Variants in NEBL observed in about 807,000 individuals in gnomAD.
NEBL encodes the protein LIM and SH3 protein 2.
NEBL carries 122 observed loss-of-function variants against 140.2 expected under a neutral mutation model. The ratio of observed to expected loss-of-function variants is 0.87; its 90% confidence interval spans 0.75 to 1.01. NEBL has a LOEUF of 1.01. NEBL is among the 50% of genes least tolerant of loss of function. The pLI is 0.00. For synonymous variants in NEBL, 436 were observed against 398.9 expected (o/e 1.09, Z -1.11); for missense variants, 1,365 against 1,231.3 (o/e 1.11, Z -1.62).
intron 26 of NEBL, among the ~76,000 whole-genome samples, chr10:20,792,945 A>G (rs755553439): frequency 3.3e-5 from 5 of 152,192 alleles, no homozygotes; most frequent in Non-Finnish European, 7.3e-5. Context: ...CAAAGCCTCA[A>G]GTCCTATTCA....
rs143645819 is a variant in NEBL at position 21,013,078 on chromosome 10, T to G, written c.249+7039A>C. 4.5e-4 allele frequency among the ~76,000 whole-genome samples: 68 copies of G among 151,304 alleles called. 1 individual carries two copies. The East Asian group carries it at 0.012, about 28-fold the overall frequency. The stretch of plus-strand genomic sequence containing the variant: ...TACATCATTTTATCCAGGGGTACAA[T>G]GGGGGCGTGGGGGCAGGGTGGGGAT... On this transcript the variant is annotated intron_variant, in intron 3 of 6. Coordinates refer to the NEBL transcript ENST00000417816.
intron 2 of NEBL, among the ~76,000 whole-genome samples, chr10:21,040,858 T>A (rs1005019693): frequency 6.6e-6 from 1 of 152,130 alleles, no homozygotes; most frequent in African/African-American, 2.4e-5. Context: ...GTGTAGCACC[T>A]TCCCCTTAGC....
chr10:20,974,705 C>T (rs142734400), intron 3 of NEBL, among the ~76,000 whole-genome samples: 2,086 of 152,258 alleles, frequency 0.014, 23 homozygotes, highest in Admixed American at 0.016. Flanking sequence ...CAATTAGATG[C>T]TCAGTAGGTG....
intron 3 of NEBL, among the ~76,000 whole-genome samples, chr10:21,231,487 C>A (rs1037481617): frequency 6.6e-6 from 1 of 151,644 alleles, no homozygotes; most frequent in East Asian, 1.9e-4. Flanking sequence ...TGCAATGAGC[C>A]GAGATGGCGC....
intron 3 of NEBL, among the ~76,000 whole-genome samples, chr10:21,012,813 C>T (rs1364055364): frequency 6.6e-6 from 1 of 152,130 alleles, no homozygotes. Flanking sequence ...ACAGCACTCA[C>T]ACCTCCCTCC....
chr10:21,137,988 C>T (rs998125930), intron 2 of NEBL, among the ~76,000 whole-genome samples: 1 of 150,348 alleles, frequency 6.7e-6, no homozygotes, highest in Non-Finnish European at 1.5e-5. Flanking sequence ...AAGGAAGGAA[C>T]TGGAAGTGGA....
upstream of NEBL, chr10:20,897,346 A>C (rs1039038479): frequency 1.6e-4 from 237 of 1,468,286 alleles, no homozygotes; most frequent in Non-Finnish European, 2.1e-4. Context: ...TTTAGCCCAC[A>C]CTTCACTCCT....
intron 4 of NEBL, among the ~76,000 whole-genome samples, chr10:20,956,250 G>A (rs1026444117): frequency 4.6e-5 from 7 of 152,306 alleles, no homozygotes; most frequent in South Asian, 2.1e-4. Flanking sequence ...TACTTTTCCC[G>A]AGGAGCGGTT....
chr10:20,923,324 T>C (rs949495786), intron 4 of NEBL, among the ~76,000 whole-genome samples: 6 of 152,018 alleles, frequency 3.9e-5, no homozygotes, highest in Non-Finnish European at 8.8e-5. Context: ...TGCCTCAGCC[T>C]CCCAAGTACT....
intron 3 of NEBL, among the ~76,000 whole-genome samples, chr10:21,227,713 T>TTCTTCTTCTTCTTCTTCTTCTTC (rs1842180073): frequency 3.1e-5 from 2 of 63,680 alleles, no homozygotes; most frequent in African/African-American, 1.2e-4. Flanking sequence ...TCTTCTTCTT[T>TTCTTCTTCTTCTTCTTCTTCTTC]CTTCTTCTTC....
intron 3 of NEBL, among the ~76,000 whole-genome samples, chr10:20,968,266 A>G (rs1390871785): frequency 6.6e-6 from 1 of 152,016 alleles, no homozygotes; most frequent in Non-Finnish European, 1.5e-5. Context: ...GGACTTTGGG[A>G]GGCTGAGGCA....
At chr10:21,245,888 G>A (rs896014506) in intron 3 of NEBL, among the ~76,000 whole-genome samples, 1 of 152,152 alleles carries the variant, frequency 6.6e-6, no homozygotes, top group Non-Finnish European at 1.5e-5. Context: ...GTAGAGATGG[G>A]GTTTCACTGT....
At position 21,272,118 on chromosome 10, in the gene NEBL, A is replaced by ATTTTTTTTTTTT. The variant is rs10678454; in HGVS notation, n.183-20302_183-20291dup. On this transcript the variant is annotated intron_variant and non_coding_transcript_variant, in intron 1 of 8. Transcript: ENST00000675702. ...AGGCACCCGCCACCACACTTGGTTA[A>ATTTTTTTTTTTT]TTTTTTTTTTTTTTTTTTTTTTTTT... 1.6e-4 allele frequency among the ~76,000 whole-genome samples: 13 copies of ATTTTTTTTTTTT among 79,096 alleles called. 1 individual carries two copies. The highest frequency in any genetic ancestry group is 6.8e-4 in the African/African-American group (12 of 17,678). The allele number at this position is 79,096 out of a possible 152,430, so 51.9% of individuals were successfully genotyped here.
At chr10:20,839,755 G>A (rs1841235638) in intron 13 of NEBL, among the ~76,000 whole-genome samples, 9 of 152,132 alleles carry the variant, frequency 5.9e-5, no homozygotes, top group Admixed American at 5.9e-4. Context: ...TATGCCAGGT[G>A]TAAGCACAGG....
chr10:20,903,149 T>C (rs1847942202), intron 4 of NEBL, among the ~76,000 whole-genome samples: 1 of 152,194 alleles, frequency 6.6e-6, no homozygotes, highest in South Asian at 2.1e-4. Flanking sequence ...ATACATATTA[T>C]GTTTTTCCTA....
chr10:21,106,269 T>C (rs185795869), intron 2 of NEBL, among the ~76,000 whole-genome samples: 2 of 152,394 alleles, frequency 1.3e-5, no homozygotes, highest in African/African-American at 2.4e-5. Context: ...CCCATGCCTA[T>C]GTCCTGAATG....
At chr10:21,145,367 T>C (rs1839844379) in intron 2 of NEBL, among the ~76,000 whole-genome samples, 1 of 152,204 alleles carries the variant, frequency 6.6e-6, no homozygotes, top group African/African-American at 2.4e-5. Context: ...TGTCCATTAA[T>C]TGGGGAATGG....
At chr10:21,107,793 G>A (rs1319727702) in intron 2 of NEBL, among the ~76,000 whole-genome samples, 1 of 152,104 alleles carries the variant, frequency 6.6e-6, no homozygotes, top group Non-Finnish European at 1.5e-5. Flanking sequence ...GAATCCATCT[G>A]GTCTTGGCCT....
upstream of NEBL, chr10:21,174,674 G>A (rs1297327589): frequency 6.6e-6 from 1 of 152,232 alleles, no homozygotes; most frequent in Non-Finnish European, 1.5e-5. Context: ...AGATCCGCGG[G>A]GAACCCGGAG....
Sources: allele counts gnomAD v4.1 joint callset (sites outside exome capture counted in the v4.1 genomes callset), GRCh38; gene constraint gnomAD v4.1.1; transcripts MANE v1.5; gene names NCBI Gene and HGNC (gene_info 2026-07-23, HGNC 2026-07-21).